CDCA8: variants seen among roughly 807,000 people sequenced by gnomAD.
CDCA8 encodes cell division cycle associated 8.
A neutral mutation model predicts 40.0 loss-of-function variants in CDCA8; 25 were observed. The ratio of observed to expected loss-of-function variants is 0.63; its 90% CI spans 0.46 to 0.87. The LOEUF (loss-of-function observed/expected upper bound fraction) is 0.87, where lower values mean the gene tolerates loss of function less well. Ranked by LOEUF, CDCA8 falls within the 40% of genes least tolerant of loss-of-function variation. The pLI is 0.00. For synonymous variants in CDCA8, 111 were observed against 126.5 expected (o/e 0.88, Z 0.82); for missense variants, 280 against 348.4 (o/e 0.80, Z 1.56).
rs866148595 is a variant in CDCA8 at position 37,708,697 on chromosome 1, G to A, written c.*331G>A. The stretch of plus-strand genomic sequence containing the variant: ...TCCTCTTCACCCTGCCCTGCCTGCA[G>A]TTGAGGGGGCGAAGAAGAACCCTGT... On this transcript the variant is annotated 3_prime_UTR_variant, in exon 10 of 10. Coordinates refer to ENST00000373055, the MANE Select transcript of CDCA8 (RefSeq NM_001256875.2). The A allele has an allele frequency of 8.4e-6, 3 of 357,626 alleles. No homozygotes were observed. The highest frequency in any genetic ancestry group is 1.6e-5 in the Non-Finnish European group (3 of 189,760). The allele number at this position is 357,626 out of a possible 1,614,324, so 22.2% of individuals were successfully genotyped here.
chr1:37,692,591 C>T lies in CDCA8; in HGVS notation c.-100C>T. On this transcript the variant is annotated 5_prime_UTR_variant, in exon 1 of 10. Transcript: ENST00000373055. ...CTCGGGACCGCAGGTACGTGCCTGG[C>T]GACTTCTTCGGGTGGTCCCCGTCCG... 1 of 911,788 alleles carries T rather than the reference C, an allele frequency of 1.1e-6. No homozygotes were observed. The highest frequency in any genetic ancestry group is 1.8e-6 in the Non-Finnish European group (1 of 567,620). 56.5% of individuals were successfully genotyped at this position (911,788 alleles called of 1,614,324 possible). A position where few individuals can be genotyped will look rare whatever the true frequency, so the allele number is the denominator to read the frequency against.
intron 5 of CDCA8, among the ~76,000 whole-genome samples, chr1:37,700,909 T>A (rs1645558861): frequency 6.6e-6 from 1 of 152,068 alleles, no homozygotes; most frequent in African/African-American, 2.4e-5. Context: ...TTTAGATAGG[T>A]TTTAGAAAGA....
In CDCA8 at chr1:37,693,008, C is replaced by T. The variant is rs1265473980; in HGVS notation, c.198C>T (p.Arg66=). ...TCCTGCGGCTCCCCAAGGCTCTGCG[C>T]GAGATGAACTGGCTTGACTACTTCG... is the stretch of plus-strand genomic sequence containing the variant. ...IEILRLPKAL[R]EMNWLDYFAL... The change falls in exon 2 of 10, where the codon CGC becomes CGT. Residue 66 remains arginine, a synonymous_variant. Transcript: ENST00000373055. 4 of 1,614,050 alleles carry T rather than the reference C, an allele frequency of 2.5e-6. No individual in the cohort carries two copies. The highest frequency in any genetic ancestry group is 3.3e-5 in the Admixed American group (2 of 60,030).
chr1:37,699,129 G>T, intron 4 of CDCA8, 152 bp downstream of exon 4: 1 of 579,006 alleles, frequency 1.7e-6, no homozygotes. Context: ...TTTGGATGGT[G>T]CATTTAGTTA....
At chr1:37,701,689 A>AAAAAAC (rs527695278) in intron 5 of CDCA8, 65 bp from the exon 6 acceptor site, 1 of 942,638 alleles carries the variant, frequency 1.1e-6, no homozygotes. Context: ...AAAAAAAAAA[A>AAAAAAC]CCCTCCTTAC....
intron 5 of CDCA8, 83 bp from the exon 6 acceptor site, chr1:37,701,671 T>C (rs1645564809): frequency 2.5e-6 from 2 of 808,734 alleles, no homozygotes; most frequent in Non-Finnish European, 3.8e-6. Context: ...TTCTTAATGC[T>C]TTAAAAAAAA....
At chr1:37,707,120 A>G in intron 9 of CDCA8, 56 bp downstream of exon 9, 1 of 1,290,966 alleles carries the variant, frequency 7.7e-7, no homozygotes, top group East Asian at 2.3e-5. Flanking sequence ...TTCTTGGGCT[A>G]CCTTTATTTA....
chr1:37,700,648 A>T, intron 5 of CDCA8, 127 bp downstream of exon 5: 1 of 667,470 alleles, frequency 1.5e-6, no homozygotes, highest in Non-Finnish European at 2.7e-6. Flanking sequence ...CATGGCAATG[A>T]CAAAAGAGAT....
chr1:37,700,438 C>A lies in CDCA8; in HGVS notation c.340C>A (p.Arg114=). 1 of 1,592,730 alleles carries A rather than the reference C, an allele frequency of 6.3e-7. No individual in the cohort carries two copies. The highest frequency in any genetic ancestry group is 8.6e-7 in the Non-Finnish European group (1 of 1,161,800). The change falls in exon 5 of 10, where the codon CGA becomes AGA. Residue 114 remains arginine, a splice_region_variant and synonymous_variant. Transcript: ENST00000373055. ...CCTGTTGAAACTGTTTCTTACAGCA[C>A]GAAAGGTAATACAGGTAGATGAAAT... is the stretch of plus-strand genomic sequence containing the variant. ...IQTPLKSAKT[R]KVIQVDEMIV...
chr1:37,697,509 C>A (rs375358526), intron 3 of CDCA8, among the ~76,000 whole-genome samples: 2 of 152,194 alleles, frequency 1.3e-5, no homozygotes, highest in Non-Finnish European at 2.9e-5. Context: ...TGTCAAAATC[C>A]TAGACTTTCA....
rs112805567 is a variant in CDCA8 at position 37,706,804 on chromosome 1, C to T, written c.712-174C>T. Among the ~76,000 whole-genome samples the T allele has an allele frequency of 5.4e-3, 828 of 152,340 alleles. 11 individuals carry two copies. The highest frequency in any genetic ancestry group is 0.019 in the African/African-American group (796 of 41,574). On this transcript the variant is annotated intron_variant, in intron 8 of 9. Coordinates refer to ENST00000373055, the MANE Select transcript of CDCA8 (RefSeq NM_001256875.2). ...GTGCCCAGGTAATCCAGCCTCCACC[C>T]TAGTGATAGTGCTGATGAAGTCATT... is the stretch of plus-strand genomic sequence containing the variant.
chr1:37,703,449 C>T (rs1645578768), intron 7 of CDCA8, 102 bp downstream of exon 7: 1 of 868,042 alleles, frequency 1.2e-6, no homozygotes, highest in Admixed American at 1.8e-5. Context: ...GGCACGGTAG[C>T]TCACGCCTGT....
At chr1:37,706,035 G>A (rs1465195134) in intron 8 of CDCA8, among the ~76,000 whole-genome samples, 8 of 150,214 alleles carry the variant, frequency 5.3e-5, no homozygotes, top group African/African-American at 7.4e-5. Context: ...GGTCTCGATT[G>A]CTTGACCTCG....
chr1:37,708,235 G>C (rs1645616035), intron 9 of CDCA8, 87 bp from the exon 10 acceptor site: 2 of 1,127,620 alleles, frequency 1.8e-6, no homozygotes, highest in Admixed American at 3.4e-5. Context: ...GATAGAGAAT[G>C]GAGGGGCTCA....
At chr1:37,704,422 G>T (rs1364431983) in intron 7 of CDCA8, among the ~76,000 whole-genome samples, 2 of 152,184 alleles carry the variant, frequency 1.3e-5, no homozygotes, top group African/African-American at 4.8e-5. Flanking sequence ...GGATCTGTGT[G>T]TGCTGACAGG....
At position 37,703,179 on chromosome 1, in the gene CDCA8, C is replaced by T. The variant is rs968350715; in HGVS notation, c.489-73C>T. ...GCAGTATCTCACAGTCAGCTCTCCA[C>T]GTGTCACTCCTCTGCTGCTGCCTTC... On this transcript the variant is annotated intron_variant, in intron 6 of 9. Transcript: ENST00000373055. 89 of 1,145,412 alleles carry T rather than the reference C, an allele frequency of 7.8e-5. No homozygotes were observed. In the Middle Eastern group the frequency reaches 8.4e-4, roughly 11 times the overall value. The allele number at this position is 1,145,412 out of a possible 1,614,324, so 71.0% of individuals were successfully genotyped here.
intron 4 of CDCA8, among the ~76,000 whole-genome samples, chr1:37,699,367 C>G (rs1431634160): frequency 6.6e-6 from 1 of 152,178 alleles, no homozygotes; most frequent in Non-Finnish European, 1.5e-5. Context: ...AACTGAGACG[C>G]TCCCTGATGT....
chr1:37,700,432 ACAG>A lies in CDCA8; in HGVS notation c.338-1_339del. 1.9e-6 allele frequency: 3 copies of A among 1,583,110 alleles called. No individual in the cohort carries two copies. Among genetic ancestry groups the A allele is most frequent in the Non-Finnish European group, 2.6e-6 (3 of 1,152,234 alleles). Reference sequence around the variant, plus strand: ...TACCACCCTGTTGAAACTGTTTCTTACAGCACGAAAGGTAATACAGGTAGATGA... The same window carrying A: ...TACCACCCTGTTGAAACTGTTTCTTACACGAAAGGTAATACAGGTAGATGA... On this transcript the variant is annotated splice_acceptor_variant and splice_polypyrimidine_tract_variant and intron_variant, in intron 4 of 9. Transcript: ENST00000373055. LOFTEE classifies it high-confidence loss of function.
intron 7 of CDCA8, among the ~76,000 whole-genome samples, chr1:37,703,715 TAAGAA>T (rs753148978): frequency 2.6e-5 from 4 of 152,048 alleles, no homozygotes; most frequent in Admixed American, 1.3e-4. Context: ...GACTCTGTCT[TAAGAA>T]AAGAAAAGAA....
Sources: allele counts gnomAD v4.1 joint callset (sites outside exome capture counted in the v4.1 genomes callset), GRCh38; gene constraint gnomAD v4.1.1; transcripts MANE v1.5; gene names NCBI Gene and HGNC (gene_info 2026-07-23, HGNC 2026-07-21).